Variants in MIB1 observed in about 807,000 individuals in gnomAD.
MIB1 encodes the protein MIB E3 ubiquitin protein ligase 1.
A neutral mutation model predicts 124.5 loss-of-function variants in MIB1; 278 were observed. The ratio of observed to expected loss-of-function variants is 2.23; its 90% CI spans 2.02 to 2.47. MIB1 has a LOEUF of 2.47. MIB1 is among the 30% of genes most tolerant of loss of function. The probability of loss-of-function intolerance (pLI) is 0.00; values close to 1 mark genes in which losing one functional copy is unlikely to be tolerated. For synonymous variants in MIB1, 446 were observed against 429.4 expected, an observed-to-expected ratio of 1.04 and a Z score of -0.48; for missense variants, 957 against 1,254.4, an observed-to-expected ratio of 0.76 and a Z score of 3.58.
At chr18:21,705,555 A>AAT (rs1555684503) in intron 1 of MIB1, among the ~76,000 whole-genome samples, 34 of 152,350 alleles carry the variant, frequency 2.2e-4, no homozygotes, top group Admixed American at 6.5e-4. Context: ...AAATGGTTAG[A>AAT]ATTTAATAGC....
At chr18:21,769,984 A>G (rs995355525) in intron 3 of MIB1, among the ~76,000 whole-genome samples, 3 of 152,204 alleles carry the variant, frequency 2.0e-5, no homozygotes, top group African/African-American at 4.8e-5. Context: ...CGGGTGGATC[A>G]TTTGAGGTCA....
chr18:21,808,917 G>A (rs1479261012), intron 10 of MIB1, among the ~76,000 whole-genome samples: 1 of 151,834 alleles, frequency 6.6e-6, no homozygotes, highest in African/African-American at 2.4e-5. Flanking sequence ...GACATTTGGG[G>A]TAGTTTGGGG....
At position 21,860,104 on chromosome 18, in the gene MIB1, T is replaced by TTTTTG. The variant is rs2042263920; in HGVS notation, c.2880+1462_2880+1463insGTTTT. 2.1e-5 allele frequency among the ~76,000 whole-genome samples: 2 copies of TTTTTG among 95,902 alleles called. 1 individual carries two copies. Among genetic ancestry groups the TTTTTG allele is most frequent in the East Asian group, 5.9e-4 (2 of 3,374 alleles). 62.9% of individuals were successfully genotyped at this position (95,902 alleles called of 152,430 possible). A position where few individuals can be genotyped will look rare whatever the true frequency, so the allele number is the denominator to read the frequency against. ...GTTATGTTGTTCTTTATGTCTTTTT[T>TTTTTG]TTTTTTTTTTTTTTTTTTTTTAGAG... is the stretch of plus-strand genomic sequence containing the variant. On this transcript the variant is annotated intron_variant, in intron 20 of 20. Coordinates refer to ENST00000261537, the MANE Select transcript of MIB1 (RefSeq NM_020774.4).
At chr18:21,721,050 C>T (rs1056097892) in intron 1 of MIB1, among the ~76,000 whole-genome samples, 1 of 147,852 alleles carries the variant, frequency 6.8e-6, no homozygotes, top group Admixed American at 6.8e-5. Flanking sequence ...GGTACATGGA[C>T]ATTCATTGTA....
chr18:21,727,595 C>T (rs550709859), intron 1 of MIB1, among the ~76,000 whole-genome samples: 1 of 152,080 alleles, frequency 6.6e-6, no homozygotes, highest in African/African-American at 2.4e-5. Flanking sequence ...AACAAACAAA[C>T]AAACAAAAAC....
chr18:21,742,539 T>TC (rs2040866116), intron 1 of MIB1, among the ~76,000 whole-genome samples: 2 of 152,344 alleles, frequency 1.3e-5, no homozygotes, highest in African/African-American at 4.8e-5. Flanking sequence ...GTCAGAATCT[T>TC]ACTCATTCAC....
chr18:21,848,818 G>A (rs1440701688), intron 16 of MIB1, among the ~76,000 whole-genome samples: 1 of 152,158 alleles, frequency 6.6e-6, no homozygotes, highest in Non-Finnish European at 1.5e-5. Context: ...TAACATGGGG[G>A]CTAGTGAGGA....
intron 12 of MIB1, among the ~76,000 whole-genome samples, chr18:21,823,244 A>G (rs950389909): frequency 1.9e-4 from 29 of 151,806 alleles, no homozygotes; most frequent in Non-Finnish European, 3.8e-4. Flanking sequence ...AAAAAAAAAA[A>G]AAAAGAATCA....
At chr18:21,813,706 C>T (rs921699679) in intron 10 of MIB1, among the ~76,000 whole-genome samples, 4 of 152,204 alleles carry the variant, frequency 2.6e-5, no homozygotes, top group Non-Finnish European at 1.5e-5. Context: ...TATTTAAGTG[C>T]ATTTAATCAT....
At chr18:21,809,624 G>A (rs528946088) in intron 10 of MIB1, among the ~76,000 whole-genome samples, 1 of 152,148 alleles carries the variant, frequency 6.6e-6, no homozygotes, top group South Asian at 2.1e-4. Context: ...AGTGTAATAT[G>A]CCACATTAAC....
At chr18:21,837,456 T>C (rs1228662680) in intron 12 of MIB1, among the ~76,000 whole-genome samples, 5 of 152,184 alleles carry the variant, frequency 3.3e-5, no homozygotes, top group Admixed American at 3.3e-4. Flanking sequence ...TGCAGTGAGC[T>C]GAGATCGTGC....
chr18:21,819,235 CTA>C (rs1259626178), intron 11 of MIB1, among the ~76,000 whole-genome samples: 1 of 152,138 alleles, frequency 6.6e-6, no homozygotes, highest in Non-Finnish European at 1.5e-5. Context: ...GACAAGGTCT[CTA>C]TATGTTGCCC....
At chr18:21,778,706 C>G (rs1053292997) in intron 5 of MIB1, among the ~76,000 whole-genome samples, 1 of 152,078 alleles carries the variant, frequency 6.6e-6, no homozygotes, top group Non-Finnish European at 1.5e-5. Flanking sequence ...GAATGGTTTT[C>G]TTTCTCATGT....
chr18:21,734,401 G>T (rs1158701126), intron 1 of MIB1, among the ~76,000 whole-genome samples: 1 of 151,852 alleles, frequency 6.6e-6, no homozygotes, highest in East Asian at 1.9e-4. Flanking sequence ...CAACGTGCCT[G>T]GCTGTTCCTG....
Position 21,865,410 on chromosome 18 carries a change from A to G in MIB1, c.*744A>G, listed in dbSNP as rs2042313101. The G allele has an allele frequency of 6.6e-6, 1 of 152,326 alleles. No homozygotes were observed. Among genetic ancestry groups the G allele is most frequent in the Middle Eastern group, 3.4e-3 (1 of 294 alleles). The allele number at this position is 152,326 out of a possible 1,614,324, so 9.4% of individuals were successfully genotyped here. On this transcript the variant is annotated 3_prime_UTR_variant, in exon 21 of 21. Transcript: ENST00000261537. Reference sequence around the variant, plus strand: ...AACTGAAGAGAAAAAAAAAACGAGTATCTATTAACTGGCCACTAACAGTTG... The same window carrying G: ...AACTGAAGAGAAAAAAAAAACGAGTGTCTATTAACTGGCCACTAACAGTTG...
At chr18:21,781,390 T>TATATATAC (rs2041363407) in intron 6 of MIB1, among the ~76,000 whole-genome samples, 3 of 69,374 alleles carry the variant, frequency 4.3e-5, no homozygotes, top group Non-Finnish European at 8.4e-5. Context: ...TATATATATA[T>TATATATAC]ATATATATAT....
rs34402759 is a variant in MIB1, at chr18:21,868,508, G to A, written c.*3842G>A. 5.5e-3 allele frequency: 844 copies of A among 152,540 alleles called. 8 individuals are homozygous for A. Among genetic ancestry groups the A allele is most frequent in the South Asian group, 0.012 (57 of 4,820 alleles). 9.4% of individuals were successfully genotyped at this position (152,540 alleles called of 1,614,324 possible). ...TTATTTCATTTTGAGCCAGAGGGGA[G>A]AGGCACATTTTAAATATCAGAATTA... On this transcript the variant is annotated 3_prime_UTR_variant, in exon 21 of 21. Transcript: ENST00000261537.
At chr18:21,715,286 A>C (rs2040684528) in intron 1 of MIB1, among the ~76,000 whole-genome samples, 1 of 152,196 alleles carries the variant, frequency 6.6e-6, no homozygotes, top group Admixed American at 6.5e-5. Context: ...CTTGGCTTTC[A>C]GGAAGCCACA....
At chr18:21,773,858 A>G (rs1392162150) in intron 4 of MIB1, 130 bp downstream of exon 4, 4 of 559,990 alleles carry the variant, frequency 7.1e-6, no homozygotes, top group African/African-American at 2.0e-5. Context: ...ATGTTTCTCT[A>G]AACTATTTAA....
Sources: allele counts gnomAD v4.1 joint callset (sites outside exome capture counted in the v4.1 genomes callset), GRCh38; gene constraint gnomAD v4.1.1; transcripts MANE v1.5; gene names NCBI Gene and HGNC (gene_info 2026-07-23, HGNC 2026-07-21).